Variants in TRDN observed in about 807,000 individuals in gnomAD.
TRDN encodes triadin.
Under a neutral mutation model 149.7 loss-of-function variants are expected in TRDN, and 161 were observed. The ratio of observed to expected loss-of-function variants is 1.08; its 90% CI spans 0.95 to 1.23. TRDN has a LOEUF of 1.23. Among genes scored for constraint, TRDN ranks in the 50% most tolerant of loss-of-function variants. The pLI is 0.00. For missense variants in TRDN, 896 were observed against 823.5 expected (o/e 1.09, Z -1.08); for synonymous variants, 294 against 250.5 (o/e 1.17, Z -1.64).
chr6:123,491,896 A>G (rs575631003), intron 9 of TRDN, among the ~76,000 whole-genome samples: 8 of 152,308 alleles, frequency 5.3e-5, no homozygotes, highest in African/African-American at 1.7e-4. Flanking sequence ...TGTCTAATAC[A>G]AGCAGTGAGC....
At position 123,529,109 on chromosome 6, in the gene TRDN, T is replaced by C. The variant is rs576167848; in HGVS notation, c.484+1397A>G. 21 of 1,482,774 alleles carry C rather than the reference T, an allele frequency of 1.4e-5. No individual in the cohort carries two copies. In the Admixed American group the frequency reaches 3.9e-4, roughly 27 times the overall value. 91.9% of individuals were successfully genotyped at this position (1,482,774 alleles called of 1,614,324 possible). On this transcript the variant is annotated intron_variant, in intron 5 of 40. Coordinates refer to ENST00000334268, the MANE Select transcript of TRDN (RefSeq NM_006073.4). ...CAAAATGCAAATGGTGCCATCTACA[T>C]TACTACCGCCACTCCAGCAGCACTG...
chr6:123,544,945 T>C (rs753925267), intron 4 of TRDN, among the ~76,000 whole-genome samples: 4 of 151,954 alleles, frequency 2.6e-5, no homozygotes, highest in African/African-American at 9.7e-5. Flanking sequence ...CATTATTCCA[T>C]ACCAAATTAA....
At chr6:123,221,119 A>AT (rs1291035712) in intron 40 of TRDN, among the ~76,000 whole-genome samples, 1 of 151,706 alleles carries the variant, frequency 6.6e-6, no homozygotes, top group African/African-American at 2.4e-5. Context: ...CTATTTCTTC[A>AT]TTTTTTCTAC....
At chr6:123,552,603 A>G (rs1213010081) in intron 2 of TRDN, among the ~76,000 whole-genome samples, 1 of 152,182 alleles carries the variant, frequency 6.6e-6, no homozygotes, top group African/African-American at 2.4e-5. Flanking sequence ...AAGGAGAAAC[A>G]GTAATAATCA....
At chr6:123,384,753 A>G (rs1582949288) in intron 14 of TRDN, among the ~76,000 whole-genome samples, 1 of 152,290 alleles carries the variant, frequency 6.6e-6, no homozygotes, top group East Asian at 1.9e-4. Context: ...AAAGTTATGT[A>G]TTTTCTTTTG....
At chr6:123,324,384 G>A (rs188479812) in intron 23 of TRDN, among the ~76,000 whole-genome samples, 69 of 152,238 alleles carry the variant, frequency 4.5e-4, no homozygotes, top group African/African-American at 1.3e-3. Context: ...GGAGGCTGAG[G>A]CAGGAGGAGC....
At chr6:123,357,609 T>C (rs960576575) in intron 20 of TRDN, among the ~76,000 whole-genome samples, 1 of 152,154 alleles carries the variant, frequency 6.6e-6, no homozygotes, top group Non-Finnish European at 1.5e-5. Context: ...CTGTCTCAAA[T>C]CAACATGGAA....
Position 123,580,649 on chromosome 6 carries a change from A to T in TRDN, c.23-9517T>A, listed in dbSNP as rs191433985. Among the ~76,000 whole-genome samples, 50 of 152,294 alleles carry T rather than the reference A, an allele frequency of 3.3e-4. No individual in the cohort carries two copies. In the East Asian group the frequency reaches 9.5e-3, roughly 29 times the overall value. On this transcript the variant is annotated intron_variant, in intron 1 of 40. Transcript: ENST00000334268. ...ATGATTATTATACCCTTTATAAAAT[A>T]TATATTAAATGTACCCTGTCAAAAA... is the stretch of plus-strand genomic sequence containing the variant.
At chr6:123,519,043 T>C (rs902502365) in intron 5 of TRDN, among the ~76,000 whole-genome samples, 2 of 152,156 alleles carry the variant, frequency 1.3e-5, no homozygotes, top group Non-Finnish European at 2.9e-5. Flanking sequence ...GGAAGAAGAG[T>C]ACCTCCTTGT....
intron 24 of TRDN, among the ~76,000 whole-genome samples, chr6:123,302,121 A>G (rs1429512130): frequency 1.3e-5 from 2 of 151,562 alleles, no homozygotes; most frequent in Non-Finnish European, 2.9e-5. Flanking sequence ...CACTATGGGA[A>G]CTTTTAAATA....
rs531017900 is a variant in TRDN at position 123,361,043 on chromosome 6, G to A, written c.1321+5092C>T. 8.8e-4 allele frequency among the ~76,000 whole-genome samples: 134 copies of A among 152,222 alleles called. 1 individual carries two copies. Among genetic ancestry groups the A allele is most frequent in the Admixed American group, 2.8e-3 (43 of 15,288 alleles). On this transcript the variant is annotated intron_variant, in intron 20 of 40. Coordinates refer to ENST00000334268, the MANE Select transcript of TRDN (RefSeq NM_006073.4). ...GTGAATAGTGCCGCAATAAACATACGTGTGCATGTGTCTTTATAGTAGAAT... is the reference window on the plus strand; with the variant it reads ...GTGAATAGTGCCGCAATAAACATACATGTGCATGTGTCTTTATAGTAGAAT...
intron 35 of TRDN, among the ~76,000 whole-genome samples, chr6:123,256,616 T>A (rs117349111): frequency 0.013 from 1,948 of 152,226 alleles, 14 homozygotes; most frequent in Middle Eastern, 0.041. Context: ...TTGCCTTCTT[T>A]TGAGAAGTGT....
chr6:123,586,282 AG>A (rs1352573491), intron 1 of TRDN, among the ~76,000 whole-genome samples: 1 of 152,078 alleles, frequency 6.6e-6, no homozygotes, highest in Non-Finnish European at 1.5e-5. Context: ...AGATGATAAA[AG>A]GATTATAGGG....
At chr6:123,307,256 A>T (rs1562254703) in intron 24 of TRDN, among the ~76,000 whole-genome samples, 1 of 151,782 alleles carries the variant, frequency 6.6e-6, no homozygotes, top group Non-Finnish European at 1.5e-5. Flanking sequence ...TTCCCACAAA[A>T]CTCTGGGGAA....
chr6:123,483,999 G>C (rs1777879133), intron 9 of TRDN, among the ~76,000 whole-genome samples: 1 of 152,090 alleles, frequency 6.6e-6, no homozygotes, highest in African/African-American at 2.4e-5. Context: ...TCATAGAATT[G>C]ACTAAAAACT....
chr6:123,295,793 A>G (rs1460606682), intron 24 of TRDN, among the ~76,000 whole-genome samples: 3 of 151,936 alleles, frequency 2.0e-5, no homozygotes, highest in Non-Finnish European at 4.4e-5. Flanking sequence ...GCGAAACCCC[A>G]TCTATACTAA....
At chr6:123,555,790 GACTA>G (rs1308817989) in intron 2 of TRDN, among the ~76,000 whole-genome samples, 8 of 152,088 alleles carry the variant, frequency 5.3e-5, no homozygotes, top group Non-Finnish European at 7.4e-5. Context: ...GGGAAGAACT[GACTA>G]ACTGATAGCA....
rs376794559 is a variant in TRDN at position 123,585,625 on chromosome 6, G to A, written c.23-14493C>T. Among the ~76,000 whole-genome samples the A allele has an allele frequency of 8.5e-5, 13 of 152,278 alleles. No homozygotes were observed. In the East Asian group the frequency reaches 1.7e-3, roughly 20 times the overall value. On this transcript the variant is annotated intron_variant, in intron 1 of 40. Transcript: ENST00000334268. ...TGGGCCAGAGTTCCAGGGGCTCTGG[G>A]AGTGGCTGCCGGGTGAGTTGGACAG...
intron 12 of TRDN, among the ~76,000 whole-genome samples, chr6:123,424,788 A>T (rs1774047107): frequency 6.6e-6 from 1 of 152,116 alleles, no homozygotes; most frequent in South Asian, 2.1e-4. Flanking sequence ...ACCTTTGTGG[A>T]GACTTTAGAT....
Sources: allele counts gnomAD v4.1 joint callset (sites outside exome capture counted in the v4.1 genomes callset), GRCh38; gene constraint gnomAD v4.1.1; transcripts MANE v1.5; gene names NCBI Gene and HGNC (gene_info 2026-07-23, HGNC 2026-07-21).